DDX47: variants seen among roughly 807,000 people sequenced by gnomAD.
DDX47 encodes the protein DEAD-box helicase 47.
In DDX47, 60 loss-of-function variants were observed where a neutral mutation model predicts 58.8. That is an observed-to-expected ratio of 1.02 (90% confidence interval 0.83 to 1.26). The LOEUF is 1.26. DDX47 is among the 50% of genes most tolerant of loss of function. The pLI is 0.00. For synonymous variants in DDX47, 197 were observed against 204.6 expected (o/e 0.96, Z 0.32); for missense variants, 530 against 573.2 (o/e 0.92, Z 0.77).
At chr12:12,815,360 A>G (rs1565445616) in intron 2 of DDX47, among the ~76,000 whole-genome samples, 1 of 152,234 alleles carries the variant, frequency 6.6e-6, no homozygotes. Flanking sequence ...CTTTCCATAA[A>G]TAGTTACTAT....
rs200216894 is a variant in DDX47 at position 12,829,460 on chromosome 12, G to A, written c.1274G>A (p.Arg425Gln). Reference sequence around the variant, plus strand: ...CATGGAGAAAAGAAGAAACGCTCGCGAGAGGATGCTGGAGATAATGATGAC... The same window carrying A: ...CATGGAGAAAAGAAGAAACGCTCGCAAGAGGATGCTGGAGATAATGATGAC... ...REHGEKKKRS[R>Q]EDAGDNDDTE... is the part of the protein sequence containing the mutation. Residue 425 changes from arginine (R) to glutamine (Q), a missense_variant, in exon 12 of 12, where the codon CGA (arginine) becomes CAA (glutamine). By Grantham distance (43) the Arg-to-Gln change is conservative. Transcript: ENST00000358007. 507 of 1,613,368 alleles carry A rather than the reference G, an allele frequency of 3.1e-4. No homozygotes were observed. The highest frequency in any genetic ancestry group is 4.1e-4 in the Non-Finnish European group (485 of 1,179,760).
chr12:12,824,478 T>G, intron 8 of DDX47, 62 bp from the exon 9 acceptor site: 2 of 1,546,440 alleles, frequency 1.3e-6, no homozygotes, highest in Non-Finnish European at 1.8e-6. Context: ...GTTTGTCTAT[T>G]TTGTGTTTTG....
At position 12,827,876 on chromosome 12, in the gene DDX47, C is replaced by CTT. The variant is rs58725534; in HGVS notation, c.1236+517_1236+518dup. ...CCAAGATCCAAAACTTTTCTTTTTT[C>CTT]TTTTTTTTTTTTTTTTTGAGATGGA... On this transcript the variant is annotated intron_variant, in intron 11 of 11. Transcript: ENST00000358007. 9.5e-3 allele frequency among the ~76,000 whole-genome samples: 1,261 copies of CTT among 132,752 alleles called. 43 individuals are homozygous for CTT. The highest frequency in any genetic ancestry group is 0.033 in the African/African-American group (1,197 of 36,152). 87.1% of individuals were successfully genotyped at this position (132,752 alleles called of 152,430 possible). A position where few individuals can be genotyped will look rare whatever the true frequency, so the allele number is the denominator to read the frequency against.
chr12:12,829,375 A>G, intron 11 of DDX47, 48 bp from the exon 12 acceptor site: 1 of 1,570,890 alleles, frequency 6.4e-7, no homozygotes. Context: ...AGTAACCTTC[A>G]GTGCCAGTAA....
At position 12,822,306 on chromosome 12, in the gene DDX47, G is replaced by A. The variant is rs559011903; in HGVS notation, c.561+223G>A. ...AAAACCGGATTTTCTTTTCCCTTTCGTTTAATTTAGACCTTGACATACACC... is the reference window on the plus strand; with the variant it reads ...AAAACCGGATTTTCTTTTCCCTTTCATTTAATTTAGACCTTGACATACACC... On this transcript the variant is annotated intron_variant, in intron 5 of 11. Transcript: ENST00000358007. Among the ~76,000 whole-genome samples, 4 of 152,082 alleles carry A rather than the reference G, an allele frequency of 2.6e-5. No individual in the cohort carries two copies. The South Asian group carries it at 6.2e-4, about 24-fold the overall frequency.
intron 11 of DDX47, among the ~76,000 whole-genome samples, chr12:12,828,945 C>G (rs918267314): frequency 1.2e-4 from 19 of 152,086 alleles, no homozygotes; most frequent in Non-Finnish European, 2.8e-4. Flanking sequence ...ACGCTTTTTT[C>G]CAGTTTCTTT....
At chr12:12,826,810 T>G (rs1325535407) in intron 10 of DDX47, among the ~76,000 whole-genome samples, 1 of 151,436 alleles carries the variant, frequency 6.6e-6, no homozygotes, top group East Asian at 2.0e-4. Flanking sequence ...CAGGCTGGAG[T>G]GCAGTGACTT....
chr12:12,819,024 G>T (rs1179925652), intron 2 of DDX47, among the ~76,000 whole-genome samples: 1 of 152,188 alleles, frequency 6.6e-6, no homozygotes, highest in African/African-American at 2.4e-5. Context: ...GATCTGGCAT[G>T]GCAGATCCTG....
Position 12,827,240 on chromosome 12 carries a change from C to T in DDX47, c.1107-6C>T, listed in dbSNP as rs1863065144. On this transcript the variant is annotated splice_region_variant and splice_polypyrimidine_tract_variant and intron_variant, in intron 10 of 11. Transcript: ENST00000358007. Reference sequence around the variant, plus strand: ...CAACCAGAGCTGTGCAGTTTTCCTTCCTCAGGTATGATGTGGAACTCTTCC... The same window carrying T: ...CAACCAGAGCTGTGCAGTTTTCCTTTCTCAGGTATGATGTGGAACTCTTCC... The T allele has an allele frequency of 3.1e-6, 5 of 1,612,800 alleles. No homozygotes were observed. Among genetic ancestry groups the T allele is most frequent in the Non-Finnish European group, 4.2e-6 (5 of 1,179,574 alleles).
chr12:12,815,980 A>C (rs148924318), intron 2 of DDX47, among the ~76,000 whole-genome samples: 78 of 152,300 alleles, frequency 5.1e-4, no homozygotes, highest in African/African-American at 1.9e-3. Context: ...GGGTGGTGGT[A>C]GAATGAAAAA....
intron 9 of DDX47, among the ~76,000 whole-genome samples, chr12:12,825,751 A>G (rs1863042552): frequency 6.6e-6 from 1 of 152,176 alleles, no homozygotes; most frequent in Non-Finnish European, 1.5e-5. Flanking sequence ...GCCTGCGACC[A>G]TGTAGATATG....
intron 2 of DDX47, among the ~76,000 whole-genome samples, chr12:12,819,774 A>G (rs1862943533): frequency 6.6e-6 from 1 of 152,074 alleles, no homozygotes; most frequent in Non-Finnish European, 1.5e-5. Flanking sequence ...TTGGCTTTTG[A>G]GTGTCCCGTA....
chr12:12,822,069 G>A lies in DDX47; in HGVS notation c.547G>A (p.Asp183Asn). The A allele has an allele frequency of 6.2e-7, 1 of 1,611,502 alleles. No homozygotes were observed. Among genetic ancestry groups the A allele is most frequent in the African/African-American group, 1.3e-5 (1 of 74,968 alleles). Residue 183 changes from aspartate to asparagine, a missense_variant, in exon 5 of 12, where the codon GAT becomes AAT. By Grantham distance (23) the Asp-to-Asn change is conservative. Coordinates refer to ENST00000358007, the MANE Select transcript of DDX47 (RefSeq NM_016355.4). ...TGAAGCCGACCGAATACTGAATATG[G>A]ATTTTGAGACAGAGGTGAGCTCTCA... ...MDEADRILNM[D>N]FETEVDKILK...
rs1483710334 is a variant in DDX47, at chr12:12,829,411, T to C, written c.1237-12T>C. 1 of 1,599,506 alleles carries C rather than the reference T, an allele frequency of 6.3e-7. No individual in the cohort carries two copies. Among genetic ancestry groups the C allele is most frequent in the Admixed American group, 1.8e-5 (1 of 56,234 alleles). ...TTCATTTTCAATCCCATCCTCTCTT[T>C]TTTTCTTGCAGGAGTTAAGGGAGCA... On this transcript the variant is annotated splice_polypyrimidine_tract_variant and intron_variant, in intron 11 of 11. Coordinates refer to ENST00000358007, the MANE Select transcript of DDX47 (RefSeq NM_016355.4).
chr12:12,814,299 G>T, intron 2 of DDX47, 75 bp downstream of exon 2: 1 of 929,346 alleles, frequency 1.1e-6, no homozygotes, highest in Non-Finnish European at 1.8e-6. Flanking sequence ...GCTGTTGCTT[G>T]CATACTTCAA....
chr12:12,819,781 C>T (rs561443249), intron 2 of DDX47, among the ~76,000 whole-genome samples: 16 of 152,200 alleles, frequency 1.1e-4, no homozygotes, highest in East Asian at 3.9e-4. Context: ...TTGAGTGTCC[C>T]GTACTAAAAA....
chr12:12,827,875 T>C lies in DDX47; in HGVS notation c.1236+500T>C, dbSNP rs1226555388. 8.6e-5 allele frequency among the ~76,000 whole-genome samples: 12 copies of C among 139,474 alleles called. 1 individual carries two copies. In the Admixed American group the frequency reaches 9.3e-4, roughly 11 times the overall value. The allele number at this position is 139,474 out of a possible 152,430, so 91.5% of individuals were successfully genotyped here. A position where few individuals can be genotyped will look rare whatever the true frequency, so the allele number is the denominator to read the frequency against. On this transcript the variant is annotated intron_variant, in intron 11 of 11. Transcript: ENST00000358007. ...ACCAAGATCCAAAACTTTTCTTTTTTCTTTTTTTTTTTTTTTTTGAGATGG... is the reference window on the plus strand; with the variant it reads ...ACCAAGATCCAAAACTTTTCTTTTTCCTTTTTTTTTTTTTTTTTGAGATGG...
chr12:12,818,619 C>G (rs187852701), intron 2 of DDX47, among the ~76,000 whole-genome samples: 80 of 152,110 alleles, frequency 5.3e-4, no homozygotes, highest in African/African-American at 1.8e-3. Context: ...GAAAAGAAGG[C>G]TAAAGAATAG....
intron 7 of DDX47, chr12:12,823,566 G>A (rs1863005540): frequency 1.8e-6 from 1 of 545,816 alleles, no homozygotes; most frequent in Non-Finnish European, 3.2e-6. Flanking sequence ...CCATCCTTGA[G>A]GTAATTTTTC....
Sources: gnomAD v4.1 joint callset for allele counts (sites outside exome capture counted in the v4.1 genomes callset) on GRCh38, gnomAD v4.1.1 for gene constraint, MANE v1.5 for transcripts, NCBI Gene and HGNC (gene_info 2026-07-23, HGNC 2026-07-21) for gene names.